SNTG1: variants seen among roughly 807,000 people sequenced by gnomAD.
SNTG1 encodes the protein syntrophin gamma 1.
A neutral mutation model predicts 74.7 loss-of-function variants in SNTG1; 39 were observed. The observed-to-expected ratio is 0.52, with a 90% CI of 0.40 to 0.68. SNTG1 has a LOEUF of 0.68. Among genes scored for constraint, SNTG1 ranks in the 30% least tolerant of loss-of-function variants. The pLI is 0.00. For synonymous variants in SNTG1, 254 were observed against 217.1 expected, an observed-to-expected ratio of 1.17 and a Z score of -1.49; for missense variants, 685 against 609.5, an observed-to-expected ratio of 1.12 and a Z score of -1.30.
rs185720955 is a variant in SNTG1 at position 50,005,181 on chromosome 8, G to T, written c.-103+92950G>T. Among the ~76,000 whole-genome samples the T allele has an allele frequency of 3.3e-3, 495 of 151,584 alleles. 1 individual carries two copies. The highest frequency in any genetic ancestry group is 5.2e-3 in the Non-Finnish European group (354 of 67,790). On this transcript the variant is annotated intron_variant, in intron 1 of 18. Coordinates refer to ENST00000642720, the MANE Select transcript of SNTG1 (RefSeq NM_018967.5). ...ATAATTTACATAAATTTACATAAAAGCATACCTAAAGAAGAAAAATATACA... is the reference window on the plus strand; with the variant it reads ...ATAATTTACATAAATTTACATAAAATCATACCTAAAGAAGAAAAATATACA...
At chr8:50,555,894 G>A (rs752960448) in intron 12 of SNTG1, among the ~76,000 whole-genome samples, 14 of 151,984 alleles carry the variant, frequency 9.2e-5, no homozygotes, top group Non-Finnish European at 1.8e-4. Context: ...ACAGGGGAAG[G>A]ATAAAAGCAA....
intron 9 of SNTG1, among the ~76,000 whole-genome samples, chr8:50,510,893 A>T (rs149868644): frequency 6.1e-4 from 93 of 152,002 alleles, no homozygotes; most frequent in African/African-American, 2.0e-3. Context: ...TTTTTTGAAC[A>T]GTTTTTTGTG....
intron 2 of SNTG1, among the ~76,000 whole-genome samples, chr8:50,218,566 A>G (rs2084908347): frequency 6.6e-6 from 1 of 151,728 alleles, no homozygotes; most frequent in Non-Finnish European, 1.5e-5. Flanking sequence ...TTTTTTTTTC[A>G]GTATAGTGAA....
At chr8:50,516,719 A>G (rs1350133998) in intron 9 of SNTG1, among the ~76,000 whole-genome samples, 1 of 152,336 alleles carries the variant, frequency 6.6e-6, no homozygotes, top group African/African-American at 2.4e-5. Flanking sequence ...ACTTAATGAA[A>G]TAAAGTATAA....
chr8:50,392,902 A>T (rs1313849312), intron 2 of SNTG1, among the ~76,000 whole-genome samples: 1 of 152,130 alleles, frequency 6.6e-6, no homozygotes, highest in East Asian at 1.9e-4. Context: ...CAGTATCCTC[A>T]TGTCTATTTC....
chr8:50,617,697 G>A (rs573087024), intron 13 of SNTG1, among the ~76,000 whole-genome samples: 7 of 152,304 alleles, frequency 4.6e-5, no homozygotes, highest in African/African-American at 9.6e-5. Flanking sequence ...AGGGGTTCCC[G>A]TGAGAGGGTC....
intron 2 of SNTG1, among the ~76,000 whole-genome samples, chr8:50,174,588 A>G (rs558987651): frequency 6.6e-6 from 1 of 152,336 alleles, no homozygotes; most frequent in African/African-American, 2.4e-5. Context: ...AAATGCCATT[A>G]TATACCCAAT....
chr8:50,116,713 A>T (rs1363307337), intron 1 of SNTG1, among the ~76,000 whole-genome samples: 1 of 152,166 alleles, frequency 6.6e-6, no homozygotes, highest in African/African-American at 2.4e-5. Context: ...TGTGCCAGAA[A>T]TGTCTATTTT....
At chr8:50,181,770 T>G (rs1032318060) in intron 2 of SNTG1, among the ~76,000 whole-genome samples, 3 of 152,208 alleles carry the variant, frequency 2.0e-5, no homozygotes, top group Admixed American at 6.5e-5. Flanking sequence ...CAAAGTTATA[T>G]GCTTTTGAAA....
At chr8:50,231,035 C>G (rs10282971) in intron 2 of SNTG1, among the ~76,000 whole-genome samples, 6 of 150,910 alleles carry the variant, frequency 4.0e-5, no homozygotes, top group Admixed American at 4.0e-4. Flanking sequence ...AGGAACTCAA[C>G]TAACTCTAAA....
At chr8:50,214,324 G>A (rs890805480) in intron 2 of SNTG1, among the ~76,000 whole-genome samples, 1 of 150,120 alleles carries the variant, frequency 6.7e-6, no homozygotes. Context: ...CGAGTTAATG[G>A]GTGCAGCACA....
intron 2 of SNTG1, among the ~76,000 whole-genome samples, chr8:50,372,957 T>G (rs562296497): frequency 1.3e-5 from 2 of 152,236 alleles, no homozygotes; most frequent in African/African-American, 4.8e-5. Context: ...TGTGTTATAC[T>G]GAAAAATATT....
At chr8:50,494,906 T>A (rs2093890478) in intron 8 of SNTG1, among the ~76,000 whole-genome samples, 1 of 152,126 alleles carries the variant, frequency 6.6e-6, no homozygotes, top group Admixed American at 6.6e-5. Context: ...GTGGCTCTTT[T>A]CTATATTGAA....
intron 1 of SNTG1, among the ~76,000 whole-genome samples, chr8:50,148,816 T>G (rs1012012279): frequency 1.3e-5 from 2 of 152,212 alleles, no homozygotes; most frequent in Non-Finnish European, 2.9e-5. Flanking sequence ...ACATTTGGGT[T>G]GGTTCCAATC....
At chr8:50,260,489 A>C (rs1214096521) in intron 2 of SNTG1, among the ~76,000 whole-genome samples, 1 of 149,944 alleles carries the variant, frequency 6.7e-6, no homozygotes, top group Non-Finnish European at 1.5e-5. Flanking sequence ...TTTTTCACCC[A>C]GTACATCACA....
rs758819332 is a variant in SNTG1 at position 50,054,612 on chromosome 8, C to T, written c.-102-117949C>T. On this transcript the variant is annotated intron_variant, in intron 1 of 18. Coordinates refer to ENST00000642720, the MANE Select transcript of SNTG1 (RefSeq NM_018967.5). ...CTTCCATTGTTCAAGGTAAGGTATA[C>T]AATTTTTAACCTGGTGATCGAATAA... Among the ~76,000 whole-genome samples, 3 of 152,058 alleles carry T rather than the reference C, an allele frequency of 2.0e-5. No individual in the cohort carries two copies. The East Asian group carries it at 5.8e-4, about 29-fold the overall frequency.
chr8:50,080,291 A>G (rs1822286814), intron 1 of SNTG1, among the ~76,000 whole-genome samples: 1 of 152,164 alleles, frequency 6.6e-6, no homozygotes, highest in African/African-American at 2.4e-5. Flanking sequence ...AAATTCTCTG[A>G]TGGATACAGT....
intron 18 of SNTG1, among the ~76,000 whole-genome samples, chr8:50,759,832 T>C (rs1188284607): frequency 1.3e-5 from 2 of 152,098 alleles, no homozygotes; most frequent in Non-Finnish European, 2.9e-5. Flanking sequence ...ATGTGGGCTC[T>C]TTTTTGGTTC....
chr8:50,617,100 T>A (rs982782448), intron 13 of SNTG1, among the ~76,000 whole-genome samples: 2 of 152,192 alleles, frequency 1.3e-5, no homozygotes, highest in Non-Finnish European at 2.9e-5. Context: ...TATTGTCCTG[T>A]GATTGTTTAT....
Sources: allele counts gnomAD v4.1 joint callset (sites outside exome capture counted in the v4.1 genomes callset), GRCh38; gene constraint gnomAD v4.1.1; transcripts MANE v1.5; gene names NCBI Gene and HGNC (gene_info 2026-07-23, HGNC 2026-07-21).